The following NYAP2 variants were observed in gnomAD, a reference collection of about 807,000 sequenced individuals.
NYAP2 encodes the protein neuronal tyrosine-phosphorylated phosphoinositide-3-kinase adaptor 2.
Under a neutral mutation model 50.4 loss-of-function variants are expected in NYAP2, and 23 were observed. The observed-to-expected ratio is 0.46, with a 90% CI of 0.33 to 0.65. The LOEUF is 0.65. Among genes scored for constraint, NYAP2 ranks in the 30% least tolerant of loss-of-function variants. The pLI, the probability that NYAP2 is intolerant of heterozygous loss-of-function variation, is 0.02. For missense variants in NYAP2, 885 were observed against 861.0 expected (o/e 1.03, Z -0.35); for synonymous variants, 394 against 365.2 (o/e 1.08, Z -0.90).
At position 225,458,343 on chromosome 2, in the gene NYAP2, C is replaced by T. The variant is rs1226825422; in HGVS notation, c.221+49242C>T. ...ACCAGCCTGGGTGACAGAAAATCTA[C>T]GTACTTTAAGGCATTCTCTTTAGTT... On this transcript the variant is annotated intron_variant, in intron 3 of 6. Coordinates refer to ENST00000636099, the Ensembl canonical transcript of NYAP2. 2.6e-5 allele frequency among the ~76,000 whole-genome samples: 4 copies of T among 152,034 alleles called. 1 individual carries two copies. Among genetic ancestry groups the T allele is most frequent in the Admixed American group, 1.3e-4 (2 of 15,256 alleles).
chr2:225,603,108 T>C (rs1038588867), intron 5 of NYAP2, among the ~76,000 whole-genome samples: 2 of 152,190 alleles, frequency 1.3e-5, no homozygotes, highest in African/African-American at 2.4e-5. Flanking sequence ...TTTTTAGCAA[T>C]GTTTAAAGTT....
At chr2:225,616,394 C>T (rs967335941) in intron 5 of NYAP2, among the ~76,000 whole-genome samples, 2 of 152,204 alleles carry the variant, frequency 1.3e-5, no homozygotes, top group Non-Finnish European at 2.9e-5. Context: ...TCCCTAGAGA[C>T]TTGGAGGATG....
In NYAP2 at chr2:225,557,386, C is replaced by T. The variant is rs754393978; in HGVS notation, c.524-24555C>T. Among the ~76,000 whole-genome samples, 8 of 152,190 alleles carry T rather than the reference C, an allele frequency of 5.3e-5. No individual in the cohort carries two copies. The South Asian group carries it at 6.2e-4, about 12-fold the overall frequency. ...ATGAATAAGATCTTCAAAAGGTCTC[C>T]AATTTCATGAAGCTTTTATTTTATT... On this transcript the variant is annotated intron_variant, in intron 4 of 6. Transcript: ENST00000636099.
chr2:225,546,260 T>G (rs542157321), intron 4 of NYAP2, among the ~76,000 whole-genome samples: 4 of 152,220 alleles, frequency 2.6e-5, no homozygotes, highest in Admixed American at 1.3e-4. Context: ...TTTGCGTCCT[T>G]CCCTTCAGGG....
At chr2:225,556,212 T>G (rs1227790201) in intron 4 of NYAP2, among the ~76,000 whole-genome samples, 2 of 152,202 alleles carry the variant, frequency 1.3e-5, no homozygotes, top group African/African-American at 4.8e-5. Context: ...CTGAGAAGCA[T>G]TCCCTTAAGT....
intron 4 of NYAP2, among the ~76,000 whole-genome samples, chr2:225,558,086 G>A (rs1467217645): frequency 2.0e-5 from 3 of 152,132 alleles, no homozygotes; most frequent in Non-Finnish European, 4.4e-5. Flanking sequence ...GACCCTCCAG[G>A]GAGTGGTCTG....
At chr2:225,443,567 T>C (rs1369847333) in intron 3 of NYAP2, among the ~76,000 whole-genome samples, 1 of 151,980 alleles carries the variant, frequency 6.6e-6, no homozygotes, top group Admixed American at 6.6e-5. Flanking sequence ...GGTATGTATA[T>C]GGTCCAGCCT....
At chr2:225,481,536 A>G (rs1690207307) in intron 3 of NYAP2, among the ~76,000 whole-genome samples, 1 of 152,128 alleles carries the variant, frequency 6.6e-6, no homozygotes, top group East Asian at 1.9e-4. Flanking sequence ...GAACAACCAC[A>G]TGGAGAACAA....
At chr2:225,588,082 A>G (rs115811008) in intron 5 of NYAP2, among the ~76,000 whole-genome samples, 4,785 of 151,980 alleles carry the variant, frequency 0.031, 232 homozygotes, top group African/African-American at 0.11. Context: ...GCACCACCAC[A>G]CCTGGCTAAT....
the NYAP2 span, among the ~76,000 whole-genome samples, chr2:225,664,665 G>A: frequency 2.0e-5 from 3 of 152,016 alleles, no homozygotes; most frequent in East Asian, 1.9e-4. Flanking sequence ...TCAGGAGATC[G>A]AGACCAGGAT....
chr2:225,667,586 C>G, the NYAP2 span, among the ~76,000 whole-genome samples: 1 of 152,108 alleles, frequency 6.6e-6, no homozygotes, highest in Non-Finnish European at 1.5e-5. Flanking sequence ...CAGAAATTTG[C>G]TAAGGAGCTG....
chr2:225,439,029 G>A (rs1028143346), intron 3 of NYAP2, among the ~76,000 whole-genome samples: 3 of 152,196 alleles, frequency 2.0e-5, no homozygotes, highest in Admixed American at 2.0e-4. Flanking sequence ...ACATCTGCAT[G>A]TGAGTTGGTA....
chr2:225,501,243 A>G (rs892199891), intron 3 of NYAP2, among the ~76,000 whole-genome samples: 1 of 152,166 alleles, frequency 6.6e-6, no homozygotes, highest in Admixed American at 6.5e-5. Flanking sequence ...AACTGATCTC[A>G]TAAGCATACA....
At chr2:225,443,619 A>T (rs1364040454) in intron 3 of NYAP2, among the ~76,000 whole-genome samples, 1 of 152,232 alleles carries the variant, frequency 6.6e-6, no homozygotes, top group African/African-American at 2.4e-5. Context: ...AAAAAAAGAA[A>T]AGAAAAGGAA....
At chr2:225,650,079 AG>A in intron 6 of NYAP2, among the ~76,000 whole-genome samples, 1 of 152,180 alleles carries the variant, frequency 6.6e-6, no homozygotes, top group East Asian at 1.9e-4. Flanking sequence ...GAGAGAGGAA[AG>A]GTGCATATGG....
Position 225,626,934 on chromosome 2 carries a change from A to T in NYAP2, c.1636A>T (p.Lys546Ter). The change falls in exon 6 of 7, where the codon AAA becomes TAA. Residue 546 changes from lysine to a stop codon, truncating the protein, a stop_gained. Transcript: ENST00000636099. LOFTEE classifies it high-confidence loss of function. The stretch of plus-strand genomic sequence containing the variant: ...CTACACAGAATCAACAGAGGAACTG[A>T]AAGTCCGAAGCCACAGCACGGAGCC... 6.3e-7 allele frequency: 1 copy of T among 1,576,462 alleles called. No individual in the cohort carries two copies. Among genetic ancestry groups the T allele is most frequent in the Non-Finnish European group, 8.6e-7 (1 of 1,160,994 alleles).
chr2:225,621,102 G>A (rs1343054918), intron 5 of NYAP2, among the ~76,000 whole-genome samples: 5 of 130,638 alleles, frequency 3.8e-5, no homozygotes, highest in Non-Finnish European at 7.8e-5. Context: ...CGACCAGCGA[G>A]ACTCCGTCTC....
At chr2:225,622,859 A>G (rs1693145819) in intron 5 of NYAP2, among the ~76,000 whole-genome samples, 1 of 152,130 alleles carries the variant, frequency 6.6e-6, no homozygotes, top group African/African-American at 2.4e-5. Flanking sequence ...TGCTGGGATT[A>G]CAGGCTTCAG....
chr2:225,665,836 A>AAAAAAAC, the NYAP2 span, among the ~76,000 whole-genome samples: 1 of 146,970 alleles, frequency 6.8e-6, no homozygotes, highest in South Asian at 2.2e-4. Flanking sequence ...AAAAAAAAAA[A>AAAAAAAC]AGCCCACCAC....
Sources: allele counts gnomAD v4.1 joint callset (sites outside exome capture counted in the v4.1 genomes callset), GRCh38; gene constraint gnomAD v4.1.1; transcripts MANE v1.5; gene names NCBI Gene and HGNC (gene_info 2026-07-23, HGNC 2026-07-21).